AGBL4: variants seen among roughly 807,000 people sequenced by gnomAD.
AGBL4 encodes the protein AGBL carboxypeptidase 4.
AGBL4 carries 58 observed loss-of-function variants against 66.4 expected under a neutral mutation model. The observed-to-expected ratio is 0.87, with a 90% confidence interval of 0.71 to 1.09. The LOEUF is 1.09. Among genes scored for constraint, AGBL4 ranks in the 50% least tolerant of loss-of-function variants. The pLI is 0.00. For synonymous variants in AGBL4, 234 were observed against 222.9 expected, an observed-to-expected ratio of 1.05 and a Z score of -0.44; for missense variants, 579 against 631.0, an observed-to-expected ratio of 0.92 and a Z score of 0.88.
chr1:50,023,941 G>T lies in AGBL4; in HGVS notation c.-145C>A. 1 of 875,636 alleles carries T rather than the reference G, an allele frequency of 1.1e-6. No individual in the cohort carries two copies. The highest frequency in any genetic ancestry group is 1.6e-6 in the Non-Finnish European group (1 of 610,952). The allele number at this position is 875,636 out of a possible 1,614,324, so 54.2% of individuals were successfully genotyped here. On this transcript the variant is annotated 5_prime_UTR_variant, in exon 1 of 14. Transcript: ENST00000371839. ...GCAACGGGCGGCAGGCGCGCGGGTGGCCGGCGCGCGGCTGAGGGCGGGAGG... is the reference window on the plus strand; with the variant it reads ...GCAACGGGCGGCAGGCGCGCGGGTGTCCGGCGCGCGGCTGAGGGCGGGAGG...
intron 1 of AGBL4, among the ~76,000 whole-genome samples, chr1:49,961,379 C>A (rs1449164682): frequency 2.6e-5 from 4 of 151,880 alleles, no homozygotes; most frequent in African/African-American, 9.7e-5. Context: ...GTGGTGCACA[C>A]CTCTAGTCCT....
At chr1:48,858,041 T>C (rs1647221180) in intron 6 of AGBL4, among the ~76,000 whole-genome samples, 2 of 152,072 alleles carry the variant, frequency 1.3e-5, no homozygotes, top group African/African-American at 2.4e-5. Flanking sequence ...CATTTCTCCA[T>C]AGAAGTAATA....
At chr1:49,011,799 C>T (rs1662440974) in intron 5 of AGBL4, among the ~76,000 whole-genome samples, 1 of 146,586 alleles carries the variant, frequency 6.8e-6, no homozygotes, top group African/African-American at 2.5e-5. Context: ...CCAAACACCG[C>T]ATATTCTCAC....
intron 8 of AGBL4, 79 bp downstream of exon 8, chr1:48,653,258 A>G: frequency 8.6e-7 from 1 of 1,158,350 alleles, no homozygotes; most frequent in Non-Finnish European, 1.2e-6. Context: ...TCCTCAAAAA[A>G]TATATCCCGT....
At chr1:48,552,192 T>C (rs1644258757) in intron 11 of AGBL4, among the ~76,000 whole-genome samples, 1 of 152,148 alleles carries the variant, frequency 6.6e-6, no homozygotes, top group Non-Finnish European at 1.5e-5. Flanking sequence ...GCCTCCCAAG[T>C]AGCTGGGACT....
At chr1:49,410,684 C>A (rs761168917) in intron 3 of AGBL4, among the ~76,000 whole-genome samples, 16 of 152,280 alleles carry the variant, frequency 1.1e-4, no homozygotes, top group South Asian at 4.1e-4. Flanking sequence ...GTCTTTCTTA[C>A]AAGCTCCAAA....
intron 3 of AGBL4, among the ~76,000 whole-genome samples, chr1:49,480,770 G>GT (rs1646939594): frequency 6.6e-6 from 1 of 151,968 alleles, no homozygotes; most frequent in South Asian, 2.1e-4. Context: ...ATAGTTCTGG[G>GT]TTTTACATTT....
At chr1:49,555,257 C>T (rs1250316210) in intron 3 of AGBL4, among the ~76,000 whole-genome samples, 1 of 150,846 alleles carries the variant, frequency 6.6e-6, no homozygotes, top group African/African-American at 2.4e-5. Context: ...ATTGACAATC[C>T]TTTAGCTAGA....
chr1:49,245,685 G>T, intron 4 of AGBL4, 85 bp downstream of exon 4: 4 of 858,266 alleles, frequency 4.7e-6, no homozygotes, highest in South Asian at 4.0e-5. Flanking sequence ...ATTTTTTTTG[G>T]GGGTCCATTA....
At chr1:49,614,602 C>T (rs1257049661) in intron 3 of AGBL4, among the ~76,000 whole-genome samples, 5 of 152,042 alleles carry the variant, frequency 3.3e-5, no homozygotes, top group African/African-American at 1.2e-4. Context: ...ATGTATGTTC[C>T]CTCTAGTAGT....
intron 1 of AGBL4, among the ~76,000 whole-genome samples, chr1:50,002,565 T>C (rs1038955246): frequency 2.6e-5 from 4 of 151,578 alleles, no homozygotes; most frequent in Non-Finnish European, 5.9e-5. Context: ...GAGACGGGGT[T>C]TCACCGTGTT....
chr1:49,179,704 A>G (rs1441110621), intron 4 of AGBL4, among the ~76,000 whole-genome samples: 3 of 152,066 alleles, frequency 2.0e-5, no homozygotes, highest in Middle Eastern at 3.4e-3. Context: ...ACACAGAGAA[A>G]CAGACAGACA....
intron 2 of AGBL4, among the ~76,000 whole-genome samples, chr1:49,750,279 T>A (rs973998782): frequency 2.6e-5 from 4 of 152,116 alleles, no homozygotes; most frequent in Admixed American, 1.3e-4. Context: ...GTATAAGGTG[T>A]AGGGAAGGGG....
intron 6 of AGBL4, among the ~76,000 whole-genome samples, chr1:48,839,667 A>T (rs1646755315): frequency 6.6e-6 from 1 of 152,030 alleles, no homozygotes; most frequent in Non-Finnish European, 1.5e-5. Context: ...GTTGAAGGAA[A>T]TTTTTTTTAA....
chr1:49,953,974 G>A (rs1656376739), intron 1 of AGBL4, among the ~76,000 whole-genome samples: 1 of 151,860 alleles, frequency 6.6e-6, no homozygotes, highest in Non-Finnish European at 1.5e-5. Context: ...GCTCACTGCA[G>A]CCTCAAAGTC....
intron 11 of AGBL4, among the ~76,000 whole-genome samples, chr1:48,553,820 C>G (rs1467581909): frequency 6.6e-6 from 1 of 152,112 alleles, no homozygotes; most frequent in Non-Finnish European, 1.5e-5. Context: ...TAACCTGTTC[C>G]CTTGTTATAG....
chr1:48,858,835 T>C (rs1011129021), intron 6 of AGBL4, among the ~76,000 whole-genome samples: 3 of 152,182 alleles, frequency 2.0e-5, no homozygotes, highest in East Asian at 1.9e-4. Flanking sequence ...ATGTGAATTA[T>C]ATCTCAATAA....
chr1:49,456,478 C>T (rs956372243), intron 3 of AGBL4, among the ~76,000 whole-genome samples: 1 of 151,702 alleles, frequency 6.6e-6, no homozygotes, highest in African/African-American at 2.4e-5. Flanking sequence ...CCCAAGTGTC[C>T]TGGCTTGAAA....
At chr1:48,742,953 G>C (rs1167540977) in intron 6 of AGBL4, among the ~76,000 whole-genome samples, 2 of 152,164 alleles carry the variant, frequency 1.3e-5, no homozygotes, top group Non-Finnish European at 2.9e-5. Flanking sequence ...CAAGGGAAAA[G>C]GTGGAAAACT....
Sources: allele counts gnomAD v4.1 joint callset (sites outside exome capture counted in the v4.1 genomes callset), GRCh38; gene constraint gnomAD v4.1.1; transcripts MANE v1.5; gene names NCBI Gene and HGNC (gene_info 2026-07-23, HGNC 2026-07-21).